The following TENM1 variants were observed in gnomAD, a reference collection of about 807,000 sequenced individuals.
TENM1 encodes teneurin transmembrane protein 1.
Under a neutral mutation model 174.8 loss-of-function variants are expected in TENM1, and 35 were observed. The observed-to-expected ratio is 0.20, with a 90% CI of 0.15 to 0.27. The LOEUF is 0.27. Ranked by LOEUF, TENM1 falls within the 10% of genes least tolerant of loss-of-function variation. The pLI is 1.00. For missense variants in TENM1, 1,633 were observed against 2,130.1 expected (o/e 0.77, Z 4.59); for synonymous variants, 781 against 798.7 (o/e 0.98, Z 0.37).
At chrX:124,794,558 CTCA>C (rs1426199465) in intron 3 of TENM1, among the ~76,000 whole-genome samples, 2 of 111,142 alleles carry the variant, frequency 1.8e-5, no homozygotes, top group South Asian at 7.7e-4. Flanking sequence ...ACCGTCATCT[CTCA>C]TCTGAATAAG....
At chrX:124,542,738 G>A (rs961532815) in intron 15 of TENM1, among the ~76,000 whole-genome samples, 12 of 111,202 alleles carry the variant, frequency 1.1e-4, no homozygotes, top group African/African-American at 3.9e-4. Context: ...GACATCATAG[G>A]TTAAGATCCA....
At chrX:124,901,079 AC>A (rs2057655473) in intron 1 of TENM1, among the ~76,000 whole-genome samples, 1 of 111,593 alleles carries the variant, frequency 9.0e-6, no homozygotes, top group Admixed American at 9.5e-5. Flanking sequence ...GGCATGAGCC[AC>A]TATGCCCGAC....
chrX:125,051,547 A>C, the TENM1 span, among the ~76,000 whole-genome samples: 1 of 110,597 alleles, frequency 9.0e-6, no homozygotes, highest in African/African-American at 3.3e-5. Flanking sequence ...CTGTATATCT[A>C]CAACCACCTG....
chrX:124,931,093 C>T (rs2058163289), intron 1 of TENM1, among the ~76,000 whole-genome samples: 1 of 108,342 alleles, frequency 9.2e-6, no homozygotes, highest in Admixed American at 9.7e-5. Flanking sequence ...AATGGAGAAA[C>T]CCAACGCTGT....
intron 6 of TENM1, among the ~76,000 whole-genome samples, chrX:124,656,250 T>C (rs762645846): frequency 8.9e-5 from 10 of 112,361 alleles, no homozygotes; most frequent in Non-Finnish European, 1.7e-4. Flanking sequence ...CTACACCATC[T>C]CTTTATTCTG....
intron 11 of TENM1, among the ~76,000 whole-genome samples, chrX:124,625,884 A>G (rs571460597): frequency 9.0e-6 from 1 of 111,076 alleles, no homozygotes; most frequent in Admixed American, 9.6e-5. Flanking sequence ...GGGGACTGCA[A>G]TTCTACATGA....
At chrX:125,011,245 G>A in the TENM1 span, among the ~76,000 whole-genome samples, 1 of 111,660 alleles carries the variant, frequency 9.0e-6, no homozygotes, top group African/African-American at 3.3e-5. Context: ...AGAAAACGTA[G>A]GTAATACCAA....
Position 124,520,378 on chromosome X carries a change from A to G in TENM1, c.3301+139T>C, listed in dbSNP as rs1473235890. The G allele has an allele frequency of 6.7e-6, 4 of 596,970 alleles. No individual in the cohort carries two copies. The East Asian group carries it at 1.4e-4, about 21-fold the overall frequency. The allele number at this position is 596,970 out of a possible 1,213,427, so 49.2% of individuals were successfully genotyped here. A position where few individuals can be genotyped will look rare whatever the true frequency, so the allele number is the denominator to read the frequency against. On this transcript the variant is annotated intron_variant, in intron 18 of 31. Coordinates refer to ENST00000422452, the Ensembl canonical transcript of TENM1. ...GGGAACTCTAAACTGGCCTCAAGGTAGTGTTTAAATTAAAAATGCCTTAGG... is the reference window on the plus strand; with the variant it reads ...GGGAACTCTAAACTGGCCTCAAGGTGGTGTTTAAATTAAAAATGCCTTAGG...
At chrX:125,154,632 G>C in the TENM1 span, among the ~76,000 whole-genome samples, 1 of 111,443 alleles carries the variant, frequency 9.0e-6, no homozygotes, top group Non-Finnish European at 1.9e-5. Context: ...TGGTCTCACT[G>C]ACTTCAAGAA....
chrX:124,384,946 T>G, intron 29 of TENM1, 92 bp from the exon 33 acceptor site: 1 of 820,486 alleles, frequency 1.2e-6, no homozygotes, highest in Non-Finnish European at 1.7e-6. Flanking sequence ...GTACTGGTGC[T>G]TTTATATTCA....
At chrX:124,816,011 A>T (rs1269436993) in intron 3 of TENM1, among the ~76,000 whole-genome samples, 1 of 111,897 alleles carries the variant, frequency 8.9e-6, no homozygotes, top group Non-Finnish European at 1.9e-5. Context: ...TGTGTTGATG[A>T]AAAAGAATTG....
chrX:124,590,791 G>A (rs1037179123), intron 11 of TENM1, among the ~76,000 whole-genome samples: 1 of 111,790 alleles, frequency 8.9e-6, no homozygotes, highest in Non-Finnish European at 1.9e-5. Flanking sequence ...GAATTTGTTA[G>A]TTTTCTGTCT....
chrX:124,541,083 A>G (rs1446450673), intron 15 of TENM1, among the ~76,000 whole-genome samples: 1 of 112,221 alleles, frequency 8.9e-6, no homozygotes, highest in Non-Finnish European at 1.9e-5. Flanking sequence ...TCTTTCATGA[A>G]TTTTGTTTCT....
chrX:124,893,734 C>T (rs1303600675), intron 3 of TENM1, among the ~76,000 whole-genome samples: 1 of 111,542 alleles, frequency 9.0e-6, no homozygotes, highest in Non-Finnish European at 1.9e-5. Flanking sequence ...TACACCAATG[C>T]CCCCTTACTA....
At chrX:124,874,109 A>G (rs937535668) in intron 3 of TENM1, among the ~76,000 whole-genome samples, 1 of 111,729 alleles carries the variant, frequency 9.0e-6, no homozygotes, top group Non-Finnish European at 1.9e-5. Flanking sequence ...ATACCACTGC[A>G]TGCTCATTCA....
chrX:125,202,149 T>C, the TENM1 span, among the ~76,000 whole-genome samples: 1 of 112,041 alleles, frequency 8.9e-6, no homozygotes, highest in South Asian at 3.7e-4. Flanking sequence ...GAAGATGAAC[T>C]GGGCTATTTC....
intron 9 of TENM1, 87 bp downstream of exon 12, chrX:124,646,622 T>G: frequency 1.5e-6 from 1 of 669,338 alleles, no homozygotes. Context: ...ACTACTAATG[T>G]TACTTACTAT....
intron 1 of TENM1, among the ~76,000 whole-genome samples, chrX:124,922,389 C>G (rs2058036241): frequency 9.0e-6 from 1 of 111,169 alleles, no homozygotes; most frequent in Admixed American, 9.6e-5. Context: ...ACAAAGTATG[C>G]CTCTTTTATA....
intron 3 of TENM1, among the ~76,000 whole-genome samples, chrX:124,756,281 T>G (rs1252597008): frequency 1.9e-5 from 2 of 104,067 alleles, no homozygotes; most frequent in African/African-American, 7.8e-5. Flanking sequence ...GTTGATCGCA[T>G]CGGCTCCTGA....
Sources: gnomAD v4.1 joint callset for allele counts (sites outside exome capture counted in the v4.1 genomes callset) on GRCh38, gnomAD v4.1.1 for gene constraint, MANE v1.5 for transcripts, NCBI Gene and HGNC (gene_info 2026-07-23, HGNC 2026-07-21) for gene names.